The following DNASE1L3 variants were observed in gnomAD, a reference collection of about 807,000 sequenced individuals.
DNASE1L3 encodes deoxyribonuclease gamma.
Under a neutral mutation model 30.9 loss-of-function variants are expected in DNASE1L3, and 27 were observed. That is an observed-to-expected ratio of 0.87 (90% confidence interval 0.64 to 1.20). The LOEUF (loss-of-function observed/expected upper bound fraction) is 1.20, where lower values mean the gene tolerates loss of function less well. DNASE1L3 is among the 50% of genes most tolerant of loss of function. The probability of loss-of-function intolerance (pLI) is 0.00; values close to 1 mark genes in which losing one functional copy is unlikely to be tolerated. For missense variants in DNASE1L3, 364 were observed against 378.2 expected (o/e 0.96, Z 0.31); for synonymous variants, 135 against 138.0 (o/e 0.98, Z 0.15).
At chr3:58,198,777 A>G (rs973737538) in intron 5 of DNASE1L3, among the ~76,000 whole-genome samples, 7 of 152,140 alleles carry the variant, frequency 4.6e-5, no homozygotes, top group Admixed American at 3.9e-4. Context: ...AGGAAAAGTG[A>G]ATTTGGGTGG....
At position 58,197,760 on chromosome 3, in the gene DNASE1L3, G is replaced by A. The variant is rs774373247; in HGVS notation, c.704+61C>T. 254 of 1,610,050 alleles carry A rather than the reference G, an allele frequency of 1.6e-4. No homozygotes were observed. Among genetic ancestry groups the A allele is most frequent in the Non-Finnish European group, 1.8e-4 (208 of 1,178,460 alleles). ...GAGCCACAGTGCCCAGCCACCTTGC[G>A]TCTTTCCTAGTGCACACCAAGCACT... On this transcript the variant is annotated intron_variant, in intron 6 of 7. Transcript: ENST00000394549. This position sits in a 1 kb window ranked among gnomAD's most constrained non-coding sequence, Gnocchi z 5.3.
At chr3:58,195,285 C>G (rs773525379) in intron 6 of DNASE1L3, among the ~76,000 whole-genome samples, 1 of 152,096 alleles carries the variant, frequency 6.6e-6, no homozygotes, top group Non-Finnish European at 1.5e-5. Flanking sequence ...TTTAATTTTA[C>G]TTTTTATTTT....
rs2097399944 is a variant in DNASE1L3 at position 58,200,486 on chromosome 3, G to T, written c.546+511C>A. Among the ~76,000 whole-genome samples, 1 of 152,170 alleles carries T rather than the reference G, an allele frequency of 6.6e-6. No homozygotes were observed. Among genetic ancestry groups the T allele is most frequent in the Non-Finnish European group, 1.5e-5 (1 of 68,034 alleles). On this transcript the variant is annotated intron_variant, in intron 5 of 7. Transcript: ENST00000394549. The surrounding 1 kb of genome is among the most constrained non-coding windows in gnomAD (Gnocchi z 4.2). ...AGACAAATCAAGCTCTGATTACCTTGTCTGAGCCCTGGATCCAGCTATGCC... is the reference window on the plus strand; with the variant it reads ...AGACAAATCAAGCTCTGATTACCTTTTCTGAGCCCTGGATCCAGCTATGCC...
chr3:58,209,120 G>A (rs1014699385), intron 1 of DNASE1L3, among the ~76,000 whole-genome samples: 2 of 152,110 alleles, frequency 1.3e-5, no homozygotes, highest in African/African-American at 4.8e-5. Context: ...TTGGTCAATG[G>A]GCGCTAGGGA....
chr3:58,192,649 AG>A lies in DNASE1L3; in HGVS notation c.*37del. The A allele has an allele frequency of 1.3e-6, 2 of 1,584,684 alleles. No individual in the cohort carries two copies. Among genetic ancestry groups the A allele is most frequent in the Non-Finnish European group, 1.7e-6 (2 of 1,161,936 alleles). Reference sequence around the variant, plus strand: ...CATATCTGTTAGAGACATTTTATTTAGAGGCAAGAAATGGTTAATAAGATGA... The same window carrying A: ...CATATCTGTTAGAGACATTTTATTTAAGGCAAGAAATGGTTAATAAGATGA... On this transcript the variant is annotated 3_prime_UTR_variant, in exon 8 of 8. Coordinates refer to ENST00000394549, the MANE Select transcript of DNASE1L3 (RefSeq NM_004944.4). This position sits in a 1 kb window ranked among gnomAD's most constrained non-coding sequence, Gnocchi z 4.8.
In DNASE1L3 at chr3:58,208,243, G is replaced by C; in HGVS notation, c.205C>G (p.Pro69Ala). ...EIKDSNNRIC[P>A]ILMEKLNRNS... ...CTGTTCAGCTTCTCCATCAGTATGGGGCAGATCCTGTTGTTGCTGTCCTTG... is the reference window on the plus strand; with the variant it reads ...CTGTTCAGCTTCTCCATCAGTATGGCGCAGATCCTGTTGTTGCTGTCCTTG... Residue 69 changes from proline to alanine, a missense_variant, in exon 2 of 8, where the codon CCC becomes GCC. Transcript: ENST00000394549. The C allele has an allele frequency of 4.3e-6, 7 of 1,614,094 alleles. No individual in the cohort carries two copies. Among genetic ancestry groups the C allele is most frequent in the Non-Finnish European group, 5.9e-6 (7 of 1,179,982 alleles).
At position 58,197,936 on chromosome 3, in the gene DNASE1L3, C is replaced by T. The variant is rs781176425; in HGVS notation, c.589G>A (p.Val197Ile). ...MGDFNAGCSY[V>I]PKKAWKNIRL... ...ATGTTCTTCCAGGCCTTCTTGGGGA[C>T]GTAGCTGCAGCCGGCATTGAAGTCA... Residue 197 changes from valine to isoleucine, a missense_variant, in exon 6 of 8, where the codon GTC (valine) becomes ATC (isoleucine). Transcript: ENST00000394549. This position sits in a 1 kb window ranked among gnomAD's most constrained non-coding sequence, Gnocchi z 5.3. The T allele has an allele frequency of 1.1e-5, 17 of 1,613,558 alleles. No homozygotes were observed. The highest frequency in any genetic ancestry group is 4.5e-5 in the East Asian group (2 of 44,888).
chr3:58,206,007 G>A (rs373956538), intron 2 of DNASE1L3, among the ~76,000 whole-genome samples: 73 of 152,288 alleles, frequency 4.8e-4, no homozygotes, highest in South Asian at 3.3e-3. Flanking sequence ...CCACCTGTCC[G>A]TGTCCACGAA....
At chr3:58,195,548 A>C (rs2097396682) in intron 6 of DNASE1L3, among the ~76,000 whole-genome samples, 1 of 144,100 alleles carries the variant, frequency 6.9e-6, no homozygotes, top group Non-Finnish European at 1.5e-5. Context: ...CAGGCGGATC[A>C]CCTGAGGTCA....
chr3:58,206,104 T>G (rs2097403756), intron 2 of DNASE1L3, among the ~76,000 whole-genome samples: 1 of 152,200 alleles, frequency 6.6e-6, no homozygotes, highest in Non-Finnish European at 1.5e-5. Context: ...GACCACGATT[T>G]CAATTCACTG....
At chr3:58,209,976 G>A (rs2097406592) in intron 1 of DNASE1L3, among the ~76,000 whole-genome samples, 1 of 152,164 alleles carries the variant, frequency 6.6e-6, no homozygotes, top group Non-Finnish European at 1.5e-5. Context: ...AAAGCAAGCA[G>A]TGTCCCCGGA....
At position 58,200,607 on chromosome 3, in the gene DNASE1L3, T is replaced by C. The variant is rs1462190258; in HGVS notation, c.546+390A>G. Among the ~76,000 whole-genome samples, 7 of 152,166 alleles carry C rather than the reference T, an allele frequency of 4.6e-5. No homozygotes were observed. Among genetic ancestry groups the C allele is most frequent in the Admixed American group, 4.6e-4 (7 of 15,264 alleles). ...ATTCTGTCCCTTGCAACTGAAACAA[T>C]CCTGACTGCTCTATGCCTTACACTT... is the stretch of plus-strand genomic sequence containing the variant. On this transcript the variant is annotated intron_variant, in intron 5 of 7. Coordinates refer to ENST00000394549, the MANE Select transcript of DNASE1L3 (RefSeq NM_004944.4). This position sits in a 1 kb window ranked among gnomAD's most constrained non-coding sequence, Gnocchi z 4.2.
At chr3:58,210,679 T>C in intron 1 of DNASE1L3, 87 bp downstream of exon 1, 1 of 1,589,598 alleles carries the variant, frequency 6.3e-7, no homozygotes, top group Non-Finnish European at 8.6e-7. Flanking sequence ...AGGGCCAACT[T>C]TAAGTTCCTT....
chr3:58,210,857 C>T lies in DNASE1L3; in HGVS notation c.50G>A (p.Ser17Asn). 1 of 1,614,112 alleles carries T rather than the reference C, an allele frequency of 6.2e-7. No individual in the cohort carries two copies. The highest frequency in any genetic ancestry group is 1.1e-5 in the South Asian group (1 of 91,082). ...GGAGCAGATCCTCATGGCCAGGGCG[C>T]TGTGGATGGAGAGGAGGAGAAGCAG... ...PLLLLLLSIH[S>N]ALAMRICSFN... The change falls in exon 1 of 8, where the codon AGC becomes AAC. Residue 17 changes from serine to asparagine, a missense_variant. Transcript: ENST00000394549.
At position 58,197,345 on chromosome 3, in the gene DNASE1L3, G is replaced by A. The variant is rs1575496151; in HGVS notation, c.704+476C>T. ...ACCTCTGCTAAGCTACAGTGCCCAGGGCCACCGCATAGGGTCCTGTGGTTC... is the reference window on the plus strand; with the variant it reads ...ACCTCTGCTAAGCTACAGTGCCCAGAGCCACCGCATAGGGTCCTGTGGTTC... On this transcript the variant is annotated intron_variant, in intron 6 of 7. Transcript: ENST00000394549. The surrounding 1 kb of genome is among the most constrained non-coding windows in gnomAD (Gnocchi z 5.3). Among the ~76,000 whole-genome samples the A allele has an allele frequency of 6.6e-6, 1 of 152,192 alleles. No homozygotes were observed. Among genetic ancestry groups the A allele is most frequent in the South Asian group, 2.1e-4 (1 of 4,818 alleles).
Position 58,192,943 on chromosome 3 carries a change from G to A in DNASE1L3, c.802-140C>T, listed in dbSNP as rs143481658. 2.0e-4 allele frequency: 295 copies of A among 1,458,718 alleles called. No individual in the cohort carries two copies. Among genetic ancestry groups the A allele is most frequent in the African/African-American group, 4.4e-4 (31 of 70,278 alleles). 90.4% of individuals were successfully genotyped at this position (1,458,718 alleles called of 1,614,324 possible). A position where few individuals can be genotyped will look rare whatever the true frequency, so the allele number is the denominator to read the frequency against. On this transcript the variant is annotated intron_variant, in intron 7 of 7. Coordinates refer to ENST00000394549, the MANE Select transcript of DNASE1L3 (RefSeq NM_004944.4). The surrounding 1 kb of genome is among the most constrained non-coding windows in gnomAD (Gnocchi z 4.8). ...CCCCACAGAACACTTACTGGTAAGC[G>A]TCATTCCAAGACCAGCTCGATCAGA...
Position 58,204,666 on chromosome 3 carries a change from C to T in DNASE1L3, c.433+103G>A, listed in dbSNP as rs996823262. 6 of 889,266 alleles carry T rather than the reference C, an allele frequency of 6.7e-6. No individual in the cohort carries two copies. The East Asian group carries it at 1.6e-4, about 23-fold the overall frequency. 55.1% of individuals were successfully genotyped at this position (889,266 alleles called of 1,614,324 possible). ...TGAAGTATTAGAAGCAATGCACTGT[C>T]ACATCCAGCCTAATGCCTCCTTAAT... On this transcript the variant is annotated intron_variant, in intron 4 of 7. Transcript: ENST00000394549.
intron 2 of DNASE1L3, 21 bp downstream of exon 2, chr3:58,208,197 G>A (rs1426729628): frequency 4.3e-6 from 7 of 1,612,438 alleles, no homozygotes; most frequent in Non-Finnish European, 5.9e-6. Context: ...GCCCTAGAGG[G>A]CCCACCCTTC....
At chr3:58,206,205 T>C (rs1026998108) in intron 2 of DNASE1L3, among the ~76,000 whole-genome samples, 1 of 152,222 alleles carries the variant, frequency 6.6e-6, no homozygotes, top group Non-Finnish European at 1.5e-5. Context: ...TCTTTCTGTG[T>C]GTTTACCAAA....
Sources: allele counts gnomAD v4.1 joint callset (sites outside exome capture counted in the v4.1 genomes callset), GRCh38; gene constraint gnomAD v4.1.1; non-coding constraint Gnocchi (gnomAD v3.1); transcripts MANE v1.5; gene names NCBI Gene and HGNC (gene_info 2026-07-23, HGNC 2026-07-21).